ZFHX3: variants seen among roughly 807,000 people sequenced by gnomAD.
ZFHX3 encodes zinc finger homeobox protein 3.
In ZFHX3, 42 loss-of-function variants were observed where a neutral mutation model predicts 279.1. The ratio of observed to expected loss-of-function variants is 0.15; its 90% CI spans 0.12 to 0.19. The LOEUF is 0.19. Among genes scored for constraint, ZFHX3 ranks in the 10% least tolerant of loss-of-function variants. The probability of loss-of-function intolerance (pLI) is 1.00; values close to 1 mark genes in which losing one functional copy is unlikely to be tolerated. For synonymous variants in ZFHX3, 2,293 were observed against 1,957.8 expected (o/e 1.17, Z -4.52); for missense variants, 4,981 against 4,754.0 (o/e 1.05, Z -1.40).
At chr16:73,863,902 C>A (rs1218607329) in intron 1 of ZFHX3, among the ~76,000 whole-genome samples, 1 of 152,182 alleles carries the variant, frequency 6.6e-6, no homozygotes, top group African/African-American at 2.4e-5. Flanking sequence ...TGCATATAGT[C>A]AAATTTTTCA....
chr16:73,752,035 A>C (rs1403492131), intron 1 of ZFHX3, among the ~76,000 whole-genome samples: 1 of 152,194 alleles, frequency 6.6e-6, no homozygotes, highest in Non-Finnish European at 1.5e-5. Flanking sequence ...ACTCCAGGGC[A>C]CAGGCCTGGC....
At chr16:73,157,486 C>T (rs1169721418) in intron 5 of ZFHX3, among the ~76,000 whole-genome samples, 1 of 51,976 alleles carries the variant, frequency 1.9e-5, no homozygotes, top group South Asian at 5.4e-4. Context: ...AAAAAAAAGG[C>T]CAGTCCACGA....
chr16:73,050,612 A>G (rs1352773582), upstream of ZFHX3, among the ~76,000 whole-genome samples: 1 of 152,242 alleles, frequency 6.6e-6, no homozygotes, highest in Non-Finnish European at 1.5e-5. Flanking sequence ...ATATGAAATC[A>G]GGAGTTCCTC....
At chr16:72,804,420 T>C (rs1323012574) in intron 7 of ZFHX3, among the ~76,000 whole-genome samples, 2 of 152,214 alleles carry the variant, frequency 1.3e-5, no homozygotes, top group African/African-American at 4.8e-5. Flanking sequence ...TGCAGACTCC[T>C]AGGAAAATAC....
intron 1 of ZFHX3, among the ~76,000 whole-genome samples, chr16:73,740,956 T>C (rs9933173): frequency 0.11 from 17,257 of 152,052 alleles, 1,313 homozygotes; most frequent in East Asian, 0.22. Flanking sequence ...TGAATAGACT[T>C]TCCACATTTT....
chr16:73,665,305 C>A (rs749314095), intron 2 of ZFHX3, among the ~76,000 whole-genome samples: 7 of 151,848 alleles, frequency 4.6e-5, no homozygotes, highest in Non-Finnish European at 7.4e-5. Flanking sequence ...CCTCCACCTC[C>A]CAGGTCCAAG....
At chr16:73,728,739 T>A (rs1253738850) in intron 1 of ZFHX3, among the ~76,000 whole-genome samples, 1 of 151,894 alleles carries the variant, frequency 6.6e-6, no homozygotes, top group Admixed American at 6.6e-5. Flanking sequence ...CCCCTGCCTC[T>A]GCTTGAAAGT....
At chr16:73,561,601 T>C (rs1766865180) in intron 2 of ZFHX3, among the ~76,000 whole-genome samples, 1 of 152,190 alleles carries the variant, frequency 6.6e-6, no homozygotes. Context: ...CAAGTCAACT[T>C]ATCATAAATT....
chr16:73,801,342 T>C (rs982753892), intron 1 of ZFHX3, among the ~76,000 whole-genome samples: 1 of 152,206 alleles, frequency 6.6e-6, no homozygotes, highest in Non-Finnish European at 1.5e-5. Context: ...ACATATTTTC[T>C]GAACGAATAA....
intron 3 of ZFHX3, among the ~76,000 whole-genome samples, chr16:72,900,296 C>T (rs1259003923): frequency 6.6e-6 from 1 of 152,140 alleles, no homozygotes; most frequent in African/African-American, 2.4e-5. Flanking sequence ...GCCTGGAAGA[C>T]ACTTCCCCGA....
chr16:73,518,664 A>G (rs766544370), intron 2 of ZFHX3, among the ~76,000 whole-genome samples: 1 of 152,160 alleles, frequency 6.6e-6, no homozygotes, highest in Non-Finnish European at 1.5e-5. Flanking sequence ...CTCTAATAAC[A>G]ATTTTGAGCA....
chr16:73,298,915 T>C (rs757856596), intron 4 of ZFHX3, among the ~76,000 whole-genome samples: 24 of 152,234 alleles, frequency 1.6e-4, no homozygotes, highest in Admixed American at 4.6e-4. Flanking sequence ...AGTTTGTAAA[T>C]GTATGAAAAC....
chr16:73,052,680 T>C (rs1419105925), upstream of ZFHX3, among the ~76,000 whole-genome samples: 1 of 152,004 alleles, frequency 6.6e-6, no homozygotes, highest in African/African-American at 2.4e-5. Context: ...TGCAGACAAA[T>C]AGAAACTGTG....
intron 3 of ZFHX3, among the ~76,000 whole-genome samples, chr16:73,355,847 C>T (rs536226293): frequency 9.9e-5 from 15 of 152,268 alleles, no homozygotes; most frequent in South Asian, 2.1e-4. Flanking sequence ...TAGGGCTTGA[C>T]GCATAGTAGG....
intron 2 of ZFHX3, chr16:73,610,203 G>GA (rs2052231163): frequency 7.2e-6 from 1 of 139,324 alleles, no homozygotes; most frequent in African/African-American, 2.9e-5. Context: ...TTACTTTAGA[G>GA]GAAAAAAAAA....
chr16:73,035,478 C>G (rs531797561), intron 1 of ZFHX3, among the ~76,000 whole-genome samples: 122 of 152,320 alleles, frequency 8.0e-4, no homozygotes, highest in Middle Eastern at 3.4e-3. Flanking sequence ...TACTGGCTCC[C>G]AAATGATACT....
At chr16:72,966,475 A>C (rs2144492250) in intron 1 of ZFHX3, among the ~76,000 whole-genome samples, 1 of 152,360 alleles carries the variant, frequency 6.6e-6, no homozygotes, top group South Asian at 2.1e-4. Context: ...CGAAGTTGGC[A>C]TGGTGGCCAA....
intron 8 of ZFHX3, among the ~76,000 whole-genome samples, chr16:73,070,070 C>T (rs1164261909): frequency 1.3e-4 from 20 of 152,136 alleles, no homozygotes; most frequent in Admixed American, 1.3e-3. Context: ...CCATGTTTTG[C>T]TTGAGAATCC....
intron 2 of ZFHX3, among the ~76,000 whole-genome samples, chr16:72,951,527 G>C (rs777138472): frequency 6.6e-6 from 1 of 152,152 alleles, no homozygotes; most frequent in Non-Finnish European, 1.5e-5. Flanking sequence ...CACCCAAAGT[G>C]CTAGAATGAC....
Sources: allele counts gnomAD v4.1 joint callset (sites outside exome capture counted in the v4.1 genomes callset), GRCh38; gene constraint gnomAD v4.1.1; transcripts MANE v1.5; gene names NCBI Gene and HGNC (gene_info 2026-07-23, HGNC 2026-07-21).